The following ARHGAP10 variants were observed in gnomAD, a reference collection of about 807,000 sequenced individuals.
The protein encoded by ARHGAP10 is rho GTPase-activating protein 10.
In ARHGAP10, 87 loss-of-function variants were observed where a neutral mutation model predicts 108.6. That is an observed-to-expected ratio of 0.80 (90% CI 0.67 to 0.96). ARHGAP10 has a LOEUF of 0.96. Among genes scored for constraint, ARHGAP10 ranks in the 40% least tolerant of loss-of-function variants. The pLI is 0.00. For missense variants in ARHGAP10, 939 were observed against 954.5 expected, an observed-to-expected ratio of 0.98 and a Z score of 0.21; for synonymous variants, 347 against 341.1, an observed-to-expected ratio of 1.02 and a Z score of -0.19.
intron 13 of ARHGAP10, 82 bp from the exon 14 acceptor site, chr4:147,939,743 C>A: frequency 3.2e-6 from 4 of 1,240,398 alleles, no homozygotes; most frequent in Non-Finnish European, 4.8e-6. Flanking sequence ...TGTTAGTTAG[C>A]AAAGATTTTG....
intron 1 of ARHGAP10, among the ~76,000 whole-genome samples, chr4:147,732,734 A>C (rs1430460820): frequency 6.6e-6 from 1 of 151,626 alleles, no homozygotes; most frequent in Non-Finnish European, 1.5e-5. Flanking sequence ...CCCCGGCCGA[A>C]CACCCCTCGC....
intron 14 of ARHGAP10, among the ~76,000 whole-genome samples, chr4:147,944,766 T>G (rs937729369): frequency 6.6e-5 from 10 of 152,256 alleles, no homozygotes; most frequent in African/African-American, 2.2e-4. Flanking sequence ...ATGAACCTCT[T>G]ACTTTCTCCT....
intron 12 of ARHGAP10, among the ~76,000 whole-genome samples, chr4:147,912,013 G>A (rs1472903900): frequency 1.3e-5 from 2 of 149,600 alleles, no homozygotes; most frequent in African/African-American, 4.9e-5. Flanking sequence ...GTGTGTGTGT[G>A]TGTGTGTGTG....
chr4:147,916,139 A>T (rs995385540), intron 13 of ARHGAP10, among the ~76,000 whole-genome samples: 6 of 152,182 alleles, frequency 3.9e-5, no homozygotes, highest in Admixed American at 6.5e-5. Flanking sequence ...GTGACTGATG[A>T]CCAGAAGCAT....
chr4:147,955,182 G>A, intron 15 of ARHGAP10, 134 bp from the exon 16 acceptor site: 1 of 788,152 alleles, frequency 1.3e-6, no homozygotes, highest in Admixed American at 2.3e-5. Flanking sequence ...TTTTTGATAT[G>A]TAAAGGTATT....
chr4:148,067,757 G>A (rs1184030799), intron 22 of ARHGAP10, among the ~76,000 whole-genome samples: 1 of 152,156 alleles, frequency 6.6e-6, no homozygotes, highest in African/African-American at 2.4e-5. Flanking sequence ...GGCCTCGTCA[G>A]TAGTTATGCG....
At chr4:147,901,237 C>T (rs79128067) in intron 10 of ARHGAP10, among the ~76,000 whole-genome samples, 2,709 of 152,196 alleles carry the variant, frequency 0.018, 49 homozygotes, top group South Asian at 0.087. Flanking sequence ...TTCTAGCAAA[C>T]GTTTTATTTT....
At chr4:147,738,770 C>A (rs775487172) in intron 1 of ARHGAP10, among the ~76,000 whole-genome samples, 17 of 152,014 alleles carry the variant, frequency 1.1e-4, no homozygotes, top group Admixed American at 6.6e-5. Context: ...TGTTTATTAC[C>A]CCTAACAGTA....
chr4:148,028,554 G>A (rs748311532), intron 19 of ARHGAP10, among the ~76,000 whole-genome samples: 9 of 152,196 alleles, frequency 5.9e-5, no homozygotes, highest in Non-Finnish European at 8.8e-5. Context: ...AACTCTAGCT[G>A]CTGCTGTAGG....
Position 147,875,030 on chromosome 4 carries a change from C to A in ARHGAP10, c.712C>A (p.Arg238=), listed in dbSNP as rs546648027. 2 of 1,583,492 alleles carry A rather than the reference C, an allele frequency of 1.3e-6. No individual in the cohort carries two copies. Among genetic ancestry groups the A allele is most frequent in the Admixed American group, 2.0e-5 (1 of 51,142 alleles). The change falls in exon 8 of 23, where the codon CGA becomes AGA. Residue 238 remains arginine (R), a synonymous_variant. Transcript: ENST00000336498. ...LQINIQNTRN[R]FEGTRSEVEE... ...TTTTAATCCATTTCAGACACGGAAT[C>A]GATTTGAAGGAACAAGGTCAGAAGT...
At chr4:147,740,232 A>G (rs140567157) in intron 1 of ARHGAP10, among the ~76,000 whole-genome samples, 296 of 151,534 alleles carry the variant, frequency 2.0e-3, no homozygotes, top group African/African-American at 6.9e-3. Context: ...TACGTTTTGT[A>G]TTTTTTGTAG....
At chr4:148,002,249 C>T (rs183922403) in intron 18 of ARHGAP10, among the ~76,000 whole-genome samples, 7 of 152,162 alleles carry the variant, frequency 4.6e-5, no homozygotes, top group Non-Finnish European at 7.3e-5. Context: ...AGCCTTGCAT[C>T]CCAGGGATGA....
chr4:147,947,266 A>G (rs1327847076), intron 15 of ARHGAP10, among the ~76,000 whole-genome samples: 6 of 146,028 alleles, frequency 4.1e-5, no homozygotes, highest in African/African-American at 1.5e-4. Flanking sequence ...GAACTTAATG[A>G]TAAGCTCAGG....
At chr4:147,919,261 G>T (rs1737127252) in intron 13 of ARHGAP10, among the ~76,000 whole-genome samples, 1 of 152,028 alleles carries the variant, frequency 6.6e-6, no homozygotes, top group Non-Finnish European at 1.5e-5. Context: ...AATATATTTT[G>T]GTAGGACTGG....
At chr4:147,995,476 G>A (rs1466338310) in intron 18 of ARHGAP10, among the ~76,000 whole-genome samples, 1 of 152,146 alleles carries the variant, frequency 6.6e-6, no homozygotes, top group African/African-American at 2.4e-5. Flanking sequence ...GTTAGAGCTT[G>A]CCACATGTTA....
rs1056994448 is a variant in ARHGAP10 at position 147,828,423 on chromosome 4, A to G, written c.312+5466A>G. On this transcript the variant is annotated intron_variant, in intron 3 of 22. Transcript: ENST00000336498. Reference sequence around the variant, plus strand: ...TATGCTTAAATAGGCTGTATTAAGTATACAGTTCAACAAATAGTGTGTGCC... The same window carrying G: ...TATGCTTAAATAGGCTGTATTAAGTGTACAGTTCAACAAATAGTGTGTGCC... Among the ~76,000 whole-genome samples, 5 of 152,214 alleles carry G rather than the reference A, an allele frequency of 3.3e-5. No individual in the cohort carries two copies. The South Asian group carries it at 1.0e-3, about 32-fold the overall frequency.
At chr4:147,872,648 G>A (rs76433445) in intron 7 of ARHGAP10, among the ~76,000 whole-genome samples, 3,601 of 152,280 alleles carry the variant, frequency 0.024, 85 homozygotes, top group South Asian at 0.082. Flanking sequence ...CACACATTTT[G>A]TGTGTTCTAT....
intron 3 of ARHGAP10, among the ~76,000 whole-genome samples, chr4:147,829,078 G>A (rs1444632934): frequency 6.9e-6 from 1 of 145,946 alleles, no homozygotes; most frequent in Non-Finnish European, 1.5e-5. Context: ...TTGAGATGGA[G>A]TCTTGCTCTG....
chr4:148,070,388 T>C (rs1730114712), intron 22 of ARHGAP10, among the ~76,000 whole-genome samples: 1 of 152,112 alleles, frequency 6.6e-6, no homozygotes, highest in Non-Finnish European at 1.5e-5. Context: ...TTACTGAATG[T>C]AAGGAAAGTG....
Sources: allele counts gnomAD v4.1 joint callset (sites outside exome capture counted in the v4.1 genomes callset), GRCh38; gene constraint gnomAD v4.1.1; transcripts MANE v1.5; gene names NCBI Gene and HGNC (gene_info 2026-07-23, HGNC 2026-07-21).